WEE2: variants seen among roughly 807,000 people sequenced by gnomAD.
The protein encoded by WEE2 is wee1-like protein kinase 2.
WEE2 carries 50 observed loss-of-function variants against 60.1 expected under a neutral mutation model. That is an observed-to-expected ratio of 0.83 (90% confidence interval 0.66 to 1.05). The LOEUF (loss-of-function observed/expected upper bound fraction) is 1.05. WEE2 is among the 50% of genes least tolerant of loss of function. WEE2 has a pLI of 0.00. For synonymous variants in WEE2, 240 were observed against 241.0 expected, an observed-to-expected ratio of 1.00 and a Z score of 0.04; for missense variants, 631 against 684.3, an observed-to-expected ratio of 0.92 and a Z score of 0.87.
At chr7:141,717,092 G>A (rs1294243899) in intron 3 of WEE2, among the ~76,000 whole-genome samples, 2 of 152,152 alleles carry the variant, frequency 1.3e-5, no homozygotes, top group African/African-American at 4.8e-5. Flanking sequence ...ACATGCGTAT[G>A]TTAATGTTTA....
Position 141,730,301 on chromosome 7 carries a change from A to G in WEE2, c.1685A>G (p.Glu562Gly), listed in dbSNP as rs1467424953. The change falls in exon 12 of 12, where the codon GAG (glutamate) becomes GGG (glycine). Residue 562 changes from glutamate to glycine, a missense_variant. Coordinates refer to ENST00000397541, the MANE Select transcript of WEE2 (RefSeq NM_001105558.1). Reference protein sequence around the residue: ...SARSSSFTSGEREPLH With the variant: ...SARSSSFTSGGREPLH ...TCACACTTTTGATGAACAGCAGGAG[A>G]GCGTGAGCCTCTGCATTAAAGGAAG... 2 of 1,613,450 alleles carry G rather than the reference A, an allele frequency of 1.2e-6. No individual in the cohort carries two copies. Among genetic ancestry groups the G allele is most frequent in the Middle Eastern group, 1.7e-4 (1 of 6,060 alleles).
chr7:141,731,210 T>G lies in WEE2; in HGVS notation c.*890T>G, dbSNP rs1799135437. ...CTTTTTCGCTGCTTGATTTTCTTCT[T>G]TTCCTCATTTTTAAAAGCTAATTAA... is the stretch of plus-strand genomic sequence containing the variant. On this transcript the variant is annotated 3_prime_UTR_variant, in exon 12 of 12. Transcript: ENST00000397541. 6.6e-6 allele frequency: 1 copy of G among 152,182 alleles called. No homozygotes were observed. Among genetic ancestry groups the G allele is most frequent in the Non-Finnish European group, 1.5e-5 (1 of 68,024 alleles). The allele number at this position is 152,182 out of a possible 1,614,324, so 9.4% of individuals were successfully genotyped here.
chr7:141,723,551 A>G (rs975680016), intron 6 of WEE2, among the ~76,000 whole-genome samples: 9 of 152,376 alleles, frequency 5.9e-5, no homozygotes, highest in African/African-American at 1.9e-4. Context: ...AAGTGACAGC[A>G]TATCAGCTAC....
At position 141,729,673 on chromosome 7, in the gene WEE2, T is replaced by C. The variant is rs1297298109; in HGVS notation, c.1678T>C (p.Ser560Pro). 3 of 1,608,908 alleles carry C rather than the reference T, an allele frequency of 1.9e-6. No individual in the cohort carries two copies. The highest frequency in any genetic ancestry group is 8.5e-7 in the Non-Finnish European group (1 of 1,178,306). ...GAGTGCAAGGTCTTCAAGCTTTACC[T>C]GTGAGTAATCTTCCCCTTAAGAACT... ...GKSARSSSFT[S>P]GEREPLH The change falls in exon 11 of 12, where the codon TCA becomes CCA. Residue 560 changes from serine to proline, a missense_variant and splice_region_variant. Ser to Pro is a moderately conservative substitution (Grantham distance 74, BLOSUM62 -1). Transcript: ENST00000397541.
intron 1 of WEE2, 114 bp downstream of exon 1, chr7:141,709,214 T>G (rs1798672878): frequency 2.7e-6 from 2 of 735,614 alleles, no homozygotes; most frequent in Non-Finnish European, 4.5e-6. Context: ...GCTGTGTATA[T>G]CCTCAATTAC....
In WEE2 at chr7:141,725,196, G is replaced by C; in HGVS notation, c.1392G>C (p.Lys464Asn). 6.2e-7 allele frequency: 1 copy of C among 1,613,138 alleles called. No homozygotes were observed. The highest frequency in any genetic ancestry group is 8.5e-7 in the Non-Finnish European group (1 of 1,179,616). ...CAGAAAGCTTTTCCAGTCTGCTCAA[G>C]GTGATAGCTCTTACGAGATGAACAG... Reference protein sequence around the residue: ...ELSESFSSLLKNMIQPDAEQR... With the variant: ...ELSESFSSLLNNMIQPDAEQR... Residue 464 changes from lysine to asparagine, a missense_variant and splice_region_variant, in exon 9 of 12, where the codon AAG becomes AAC. Lys to Asn is a moderately conservative substitution (Grantham distance 94, BLOSUM62 0). Coordinates refer to ENST00000397541, the MANE Select transcript of WEE2 (RefSeq NM_001105558.1).
intron 1 of WEE2, among the ~76,000 whole-genome samples, chr7:141,709,680 T>A (rs1400970254): frequency 6.6e-6 from 1 of 152,196 alleles, no homozygotes; most frequent in African/African-American, 2.4e-5. Context: ...CTTGGTCTAA[T>A]AGAAGAACCT....
chr7:141,720,901 T>G, intron 4 of WEE2, 34 bp from the exon 5 acceptor site: 1 of 1,599,574 alleles, frequency 6.3e-7, no homozygotes, highest in Non-Finnish European at 8.6e-7. Flanking sequence ...TCTTGATTGA[T>G]GTTTTTATTC....
chr7:141,713,999 C>A (rs1798750617), intron 1 of WEE2, among the ~76,000 whole-genome samples: 1 of 152,180 alleles, frequency 6.6e-6, no homozygotes, highest in Admixed American at 6.5e-5. Flanking sequence ...CCTGTGTTGA[C>A]TTCATGAATC....
Position 141,730,437 on chromosome 7 carries a change from T to C in WEE2, c.*117T>C, listed in dbSNP as rs767553465. The C allele has an allele frequency of 8.6e-5, 82 of 949,652 alleles. No homozygotes were observed. Among genetic ancestry groups the C allele is most frequent in the Non-Finnish European group, 1.2e-4 (76 of 619,028 alleles). 58.8% of individuals were successfully genotyped at this position (949,652 alleles called of 1,614,324 possible). A position where few individuals can be genotyped will look rare whatever the true frequency, so the allele number is the denominator to read the frequency against. On this transcript the variant is annotated 3_prime_UTR_variant, in exon 12 of 12. Transcript: ENST00000397541. ...ACATAGAAAGGAATAGAATTTAGTTTAGAGTTGAAGTCACAGCTTACAGAA... is the reference window on the plus strand; with the variant it reads ...ACATAGAAAGGAATAGAATTTAGTTCAGAGTTGAAGTCACAGCTTACAGAA...
Position 141,709,097 on chromosome 7 carries a change from C to T in WEE2, c.339C>T (p.Pro113=). 1 of 1,611,630 alleles carries T rather than the reference C, an allele frequency of 6.2e-7. No homozygotes were observed. Among genetic ancestry groups the T allele is most frequent in the Non-Finnish European group, 8.5e-7 (1 of 1,178,296 alleles). The change falls in exon 1 of 12, where the codon CCC becomes CCT. Residue 113 remains proline, a synonymous_variant. Transcript: ENST00000397541. ...TGCCCAGTGACAGCCCCTCTACTCC[C>T]AAAGTAAGTAAGGGGTGGGGGAAAA... ...KLLPSDSPST[P]KTMLSRLVIS... is the part of the protein sequence containing the mutation.
Position 141,708,992 on chromosome 7 carries a change from T to C in WEE2, c.234T>C (p.Asp78=). The part of the protein sequence containing the change: ...TSSEKDKESP[D]QILRTPVSHP... ...CGGAAAAAGACAAAGAAAGTCCAGATCAGATTTTGAGGACTCCAGTGTCAC... is the reference window on the plus strand; with the variant it reads ...CGGAAAAAGACAAAGAAAGTCCAGACCAGATTTTGAGGACTCCAGTGTCAC... Residue 78 remains aspartate (D), a synonymous_variant, in exon 1 of 12, where the codon GAT becomes GAC. Coordinates refer to ENST00000397541, the MANE Select transcript of WEE2 (RefSeq NM_001105558.1). 6.2e-7 allele frequency: 1 copy of C among 1,614,016 alleles called. No individual in the cohort carries two copies. The highest frequency in any genetic ancestry group is 8.5e-7 in the Non-Finnish European group (1 of 1,180,008).
intron 3 of WEE2, among the ~76,000 whole-genome samples, chr7:141,716,968 C>G (rs1798810654): frequency 6.6e-6 from 1 of 151,948 alleles, no homozygotes; most frequent in Non-Finnish European, 1.5e-5. Flanking sequence ...TTTATTGTAA[C>G]AGCAAAAAAG....
intron 6 of WEE2, 97 bp downstream of exon 6, chr7:141,723,377 G>A: frequency 1.5e-6 from 2 of 1,339,896 alleles, no homozygotes; most frequent in African/African-American, 1.5e-5. Context: ...GTCAAGGACG[G>A]TGTTTGCTGG....
intron 11 of WEE2, 28 bp from the exon 12 acceptor site, chr7:141,730,267 A>G (rs1799115190): frequency 6.2e-7 from 1 of 1,611,282 alleles, no homozygotes; most frequent in African/African-American, 1.3e-5. Flanking sequence ...TCAATAACTT[A>G]TTTACTTCTC....
chr7:141,716,582 A>G (rs1458778041), intron 3 of WEE2, among the ~76,000 whole-genome samples: 2 of 150,924 alleles, frequency 1.3e-5, no homozygotes, highest in Non-Finnish European at 2.9e-5. Flanking sequence ...TGTGCTTTGC[A>G]GCTGAATTTA....
At chr7:141,712,970 A>G (rs2117103565) in intron 1 of WEE2, among the ~76,000 whole-genome samples, 1 of 152,314 alleles carries the variant, frequency 6.6e-6, no homozygotes. Context: ...CACGCAGGAA[A>G]GCTGTGAGTC....
At position 141,729,537 on chromosome 7, in the gene WEE2, G is replaced by A. The variant is rs370509961; in HGVS notation, c.1542G>A (p.Leu514=). 23 of 1,614,122 alleles carry A rather than the reference G, an allele frequency of 1.4e-5. No homozygotes were observed. In the African/African-American group the frequency reaches 2.0e-4, roughly 14 times the overall value. ...KFKTATLERE[L]REAQQAQSPQ... ...TTTCTCCCTCGCACTTCAGGGAACT[G>A]AGAGAAGCCCAGCAGGCCCAGTCAC... Residue 514 remains leucine, a synonymous_variant, in exon 11 of 12, where the codon CTG becomes CTA. Transcript: ENST00000397541.
At chr7:141,717,905 G>A (rs549837773) in intron 3 of WEE2, among the ~76,000 whole-genome samples, 52 of 152,234 alleles carry the variant, frequency 3.4e-4, no homozygotes, top group Admixed American at 2.3e-3. Context: ...TAGTGAGTGC[G>A]CAGTTGGTAG....
Sources: gnomAD v4.1 joint callset for allele counts (sites outside exome capture counted in the v4.1 genomes callset) on GRCh38, gnomAD v4.1.1 for gene constraint, MANE v1.5 for transcripts, NCBI Gene and HGNC (gene_info 2026-07-23, HGNC 2026-07-21) for gene names.